Variants in GCFC2 observed in about 807,000 individuals in gnomAD.
GCFC2 encodes the protein intron Large complex component GCFC2.
Under a neutral mutation model 99.4 loss-of-function variants are expected in GCFC2, and 102 were observed. That is an observed-to-expected ratio of 1.03 (90% CI 0.87 to 1.21). GCFC2 has a LOEUF of 1.21. Ranked by LOEUF, GCFC2 falls within the 50% of genes most tolerant of loss-of-function variation. The pLI is 0.00. For missense variants in GCFC2, 973 were observed against 920.9 expected (o/e 1.06, Z -0.73); for synonymous variants, 338 against 316.8 (o/e 1.07, Z -0.71).
intron 9 of GCFC2, 63 bp from the exon 10 acceptor site, chr2:75,689,288 AAACAC>A: frequency 1.2e-6 from 1 of 862,136 alleles, no homozygotes; most frequent in Non-Finnish European, 1.9e-6. Context: ...GCTTCCTTAA[AAACAC>A]GGTCATGATG....
chr2:75,689,738 C>T (rs1197760775), intron 9 of GCFC2, among the ~76,000 whole-genome samples: 1 of 152,028 alleles, frequency 6.6e-6, no homozygotes, highest in South Asian at 2.1e-4. Context: ...AATTGGAGAA[C>T]GTCTAAGAGA....
In GCFC2 at chr2:75,681,596, C is replaced by A. The variant is rs79869475; in HGVS notation, c.1691-1282G>T. ...CACCTGGAACGCCAGAGAAACAGAA[C>A]CATTCACCACCCTGGAAAAGGGGCT... is the stretch of plus-strand genomic sequence containing the variant. On this transcript the variant is annotated intron_variant, in intron 11 of 16. Transcript: ENST00000321027. Among the ~76,000 whole-genome samples, 1,064 of 151,770 alleles carry A rather than the reference C, an allele frequency of 7.0e-3. 35 individuals are homozygous for A. The highest frequency in any genetic ancestry group is 0.019 in the African/African-American group (786 of 41,134).
intron 15 of GCFC2, among the ~76,000 whole-genome samples, chr2:75,667,448 CTCTT>C (rs1364631313): frequency 7.2e-5 from 11 of 152,298 alleles, no homozygotes; most frequent in Middle Eastern, 3.4e-3. Context: ...CTGGAATGCG[CTCTT>C]TCTAAGATTG....
chr2:75,700,002 G>A (rs1413174253), intron 4 of GCFC2, among the ~76,000 whole-genome samples: 1 of 151,628 alleles, frequency 6.6e-6, no homozygotes, highest in Non-Finnish European at 1.5e-5. Context: ...CTGGGCTCAA[G>A]CAATCCTCCC....
In GCFC2 at chr2:75,692,705, T is replaced by C. The variant is rs79281721; in HGVS notation, c.1021-605A>G. ...GGAGTCAGGAACATGCATTAAAGTT[T>C]GAGATAGAAGATTTTTTTTTGAGAC... On this transcript the variant is annotated intron_variant, in intron 6 of 16. Coordinates refer to ENST00000321027, the MANE Select transcript of GCFC2 (RefSeq NM_003203.5). Among the ~76,000 whole-genome samples, 324 of 151,644 alleles carry C rather than the reference T, an allele frequency of 2.1e-3. 2 individuals are homozygous for C. Among genetic ancestry groups the C allele is most frequent in the African/African-American group, 7.5e-3 (310 of 41,358 alleles).
In GCFC2 at chr2:75,684,743, A is replaced by G. The variant is rs59666431; in HGVS notation, c.1690+3084T>C. On this transcript the variant is annotated intron_variant, in intron 11 of 16. Coordinates refer to ENST00000321027, the MANE Select transcript of GCFC2 (RefSeq NM_003203.5). ...GGATTATAAATTCATGCTGCTATAA[A>G]GACACATGCACATGTATGTTTATTG... Among the ~76,000 whole-genome samples, 249 of 152,370 alleles carry G rather than the reference A, an allele frequency of 1.6e-3. 1 individual carries two copies. Among genetic ancestry groups the G allele is most frequent in the African/African-American group, 5.7e-3 (237 of 41,584 alleles).
Position 75,680,063 on chromosome 2 carries a change from A to C in GCFC2, c.1812+130T>G, listed in dbSNP as rs578107208. 3.5e-5 allele frequency: 23 copies of C among 666,176 alleles called. No individual in the cohort carries two copies. The African/African-American group carries it at 3.5e-4, about 10-fold the overall frequency. The allele number at this position is 666,176 out of a possible 1,614,324, so 41.3% of individuals were successfully genotyped here. The stretch of plus-strand genomic sequence containing the variant: ...GAAAAAGTCTAGTTTCTATAAATCA[A>C]AAGTAAATATGTTTTCCCCCAAACA... On this transcript the variant is annotated intron_variant, in intron 12 of 16. Coordinates refer to ENST00000321027, the MANE Select transcript of GCFC2 (RefSeq NM_003203.5).
intron 15 of GCFC2, among the ~76,000 whole-genome samples, chr2:75,669,626 CATTT>C (rs900220983): frequency 3.9e-5 from 6 of 152,168 alleles, no homozygotes; most frequent in African/African-American, 1.2e-4. Context: ...CATCTAGCAT[CATTT>C]ATTAAGTAAT....
chr2:75,697,371 G>C (rs1013824183), intron 4 of GCFC2, among the ~76,000 whole-genome samples: 1 of 152,084 alleles, frequency 6.6e-6, no homozygotes, highest in East Asian at 1.9e-4. Flanking sequence ...CCAGCTCTAC[G>C]CATATCTACA....
At chr2:75,706,909 G>C (rs771450827) in intron 1 of GCFC2, among the ~76,000 whole-genome samples, 5 of 151,886 alleles carry the variant, frequency 3.3e-5, no homozygotes, top group Non-Finnish European at 7.4e-5. Flanking sequence ...AAGGGAAGGA[G>C]GCATTAGAGA....
At chr2:75,665,344 G>C (rs1197491881) in intron 16 of GCFC2, among the ~76,000 whole-genome samples, 3 of 152,036 alleles carry the variant, frequency 2.0e-5, no homozygotes, top group African/African-American at 7.2e-5. Flanking sequence ...TCTAGAGACA[G>C]GGTCTTGCTA....
At chr2:75,676,703 T>G (rs920173968) in intron 12 of GCFC2, among the ~76,000 whole-genome samples, 2 of 152,222 alleles carry the variant, frequency 1.3e-5, no homozygotes, top group South Asian at 2.1e-4. Flanking sequence ...GATTATAATC[T>G]GTCTTACTTA....
intron 1 of GCFC2, among the ~76,000 whole-genome samples, chr2:75,708,501 CTTTTTTTTTTTTT>C (rs34414596): frequency 8.9e-5 from 7 of 78,692 alleles, no homozygotes; most frequent in South Asian, 5.5e-4. Context: ...CATTTGGCAA[CTTTTTTTTTTTTT>C]TTTTTTTTTT....
chr2:75,677,724 A>T (rs1168672826), intron 12 of GCFC2, among the ~76,000 whole-genome samples: 1 of 152,162 alleles, frequency 6.6e-6, no homozygotes, highest in Non-Finnish European at 1.5e-5. Context: ...TTTGCCTGTA[A>T]TCCCAGCACT....
chr2:75,710,772 C>T lies in GCFC2; in HGVS notation c.84G>A (p.Glu28=). 3 of 1,573,326 alleles carry T rather than the reference C, an allele frequency of 1.9e-6. No homozygotes were observed. The highest frequency in any genetic ancestry group is 2.6e-6 in the Non-Finnish European group (3 of 1,164,490). The change falls in exon 1 of 17, where the codon GAG becomes GAA. Residue 28 remains glutamate (E), a synonymous_variant. Coordinates refer to ENST00000321027, the MANE Select transcript of GCFC2 (RefSeq NM_003203.5). ...CCGGAAGTTCCCTCGGCGCCCCAGG[C>T]TCAGCAGGCGACTCCTCGGCGCCAT... The part of the protein sequence containing the change: ...DSDGAEESPA[E]PGAPRELPVP...
At chr2:75,674,754 T>C (rs1034815903) in intron 12 of GCFC2, among the ~76,000 whole-genome samples, 2 of 152,198 alleles carry the variant, frequency 1.3e-5, no homozygotes, top group Non-Finnish European at 2.9e-5. Context: ...TATCCATAAA[T>C]GTAGAATTCA....
chr2:75,703,472 A>G (rs1036056136), intron 2 of GCFC2, among the ~76,000 whole-genome samples: 21 of 152,262 alleles, frequency 1.4e-4, no homozygotes, highest in Admixed American at 7.2e-4. Flanking sequence ...CCTAGGGAAA[A>G]TTAAAAGTCC....
chr2:75,670,343 T>C, intron 14 of GCFC2, 59 bp from the exon 15 acceptor site: 1 of 1,208,762 alleles, frequency 8.3e-7, no homozygotes, highest in Non-Finnish European at 1.2e-6. Context: ...TGTAATAGTC[T>C]CTAACAAACA....
rs1424690633 is a variant in GCFC2, at chr2:75,710,571, CCCCGCGTCTCCCTGGA to C, written c.265+4_265+19del. The C allele has an allele frequency of 6.7e-7, 1 of 1,484,298 alleles. No individual in the cohort carries two copies. The highest frequency in any genetic ancestry group is 1.3e-5 in the South Asian group (1 of 77,144). 91.9% of individuals were successfully genotyped at this position (1,484,298 alleles called of 1,614,324 possible). A position where few individuals can be genotyped will look rare whatever the true frequency, so the allele number is the denominator to read the frequency against. On this transcript the variant is annotated splice_donor_5th_base_variant and intron_variant, in intron 1 of 16. Coordinates refer to ENST00000321027, the MANE Select transcript of GCFC2 (RefSeq NM_003203.5). ...GCCCTGTGCCGTCACCTCCCCGCTTCCCCGCGTCTCCCTGGACACCTGAGCCTTCGTCCGCGCGGGG... is the reference window on the plus strand; with the variant it reads ...GCCCTGTGCCGTCACCTCCCCGCTTCCACCTGAGCCTTCGTCCGCGCGGGG...
Sources: allele counts gnomAD v4.1 joint callset (sites outside exome capture counted in the v4.1 genomes callset), GRCh38; gene constraint gnomAD v4.1.1; transcripts MANE v1.5; gene names NCBI Gene and HGNC (gene_info 2026-07-23, HGNC 2026-07-21).